The following CYP11A1 variants were observed in gnomAD, a reference collection of about 807,000 sequenced individuals.
CYP11A1 encodes the protein cytochrome P450 family 11 subfamily A member 1.
In CYP11A1, 25 loss-of-function variants were observed where a neutral mutation model predicts 51.9. That is an observed-to-expected ratio of 0.48 (90% CI 0.35 to 0.67). The LOEUF is 0.67. Among genes scored for constraint, CYP11A1 ranks in the 30% least tolerant of loss-of-function variants. CYP11A1 has a pLI of 0.00. For synonymous variants in CYP11A1, 245 were observed against 262.1 expected (o/e 0.93, Z 0.63); for missense variants, 578 against 680.9 (o/e 0.85, Z 1.68).
chr15:74,357,721 C>T (rs2060687075), intron 1 of CYP11A1, among the ~76,000 whole-genome samples: 3 of 152,192 alleles, frequency 2.0e-5, no homozygotes, highest in Non-Finnish European at 4.4e-5. Context: ...AGGACCGCGC[C>T]CGGCAGCCTT....
At chr15:74,340,801 G>A (rs1383785610) in intron 5 of CYP11A1, among the ~76,000 whole-genome samples, 1 of 151,982 alleles carries the variant, frequency 6.6e-6, no homozygotes, top group Non-Finnish European at 1.5e-5. Context: ...CTGAGCCACA[G>A]GGCCCCTCAA....
At chr15:74,365,930 G>T in intron 1 of CYP11A1, 1 of 984,290 alleles carries the variant, frequency 1.0e-6, no homozygotes, top group South Asian at 4.5e-5. Flanking sequence ...AAAGCGCACG[G>T]AGTCCGTGTT....
chr15:74,360,278 T>TTTTTTG (rs1048548038), intron 1 of CYP11A1, among the ~76,000 whole-genome samples: 3 of 152,088 alleles, frequency 2.0e-5, no homozygotes, highest in East Asian at 3.9e-4. Flanking sequence ...CTTACCAGTT[T>TTTTTTG]TTTTTGTTTT....
At chr15:74,359,010 C>T (rs901936835) in intron 1 of CYP11A1, among the ~76,000 whole-genome samples, 2 of 152,218 alleles carry the variant, frequency 1.3e-5, no homozygotes, top group African/African-American at 2.4e-5. Context: ...ACTGAATCCC[C>T]TTGGGCACTC....
intron 1 of CYP11A1, among the ~76,000 whole-genome samples, chr15:74,360,879 G>A (rs2060705291): frequency 1.3e-5 from 2 of 152,054 alleles, no homozygotes; most frequent in South Asian, 4.2e-4. Context: ...CTCCAGCCTG[G>A]GCAACAAGAG....
chr15:74,366,124 C>T (rs981618467), intron 1 of CYP11A1: 3 of 985,394 alleles, frequency 3.0e-6, no homozygotes, highest in Admixed American at 6.1e-5. Flanking sequence ...AGGAGCAGGC[C>T]GGGGGCCACG....
intron 2 of CYP11A1, among the ~76,000 whole-genome samples, chr15:74,346,226 A>G (rs142842175): frequency 7.2e-4 from 109 of 152,048 alleles, no homozygotes; most frequent in African/African-American, 2.6e-3. Context: ...GGTGGCGGGC[A>G]TCTATAATCC....
At chr15:74,347,053 G>A (rs1012687318) in intron 2 of CYP11A1, among the ~76,000 whole-genome samples, 4 of 151,966 alleles carry the variant, frequency 2.6e-5, no homozygotes, top group Admixed American at 2.6e-4. Flanking sequence ...CAATCTGTCC[G>A]CCTTGGCCTC....
intron 3 of CYP11A1, among the ~76,000 whole-genome samples, chr15:74,344,474 A>T (rs146935545): frequency 1.5e-3 from 233 of 152,364 alleles, no homozygotes; most frequent in African/African-American, 5.1e-3. Context: ...CTACCAGGTG[A>T]GTAATTTGAA....
rs1221153285 is a variant in CYP11A1, at chr15:74,345,177, G to T, written c.492C>A (p.Thr164=). 2.5e-6 allele frequency: 4 copies of T among 1,614,190 alleles called. No individual in the cohort carries two copies. Among genetic ancestry groups the T allele is most frequent in the Non-Finnish European group, 2.5e-6 (3 of 1,180,032 alleles). Residue 164 remains threonine, a synonymous_variant, in exon 3 of 9, where the codon ACC becomes ACA. Coordinates refer to ENST00000268053, the MANE Select transcript of CYP11A1 (RefSeq NM_000781.3). This position sits in a 1 kb window ranked among gnomAD's most constrained non-coding sequence, Gnocchi z 4.3. The stretch of plus-strand genomic sequence containing the variant: ...CATCCAACAGGGGCAAAAAGTTCTT[G>T]GTGGCCTCTGGAGCCATCACCTCCT... ...LNQEVMAPEA[T]KNFLPLLDAV...
chr15:74,367,426 G>A lies in CYP11A1; in HGVS notation c.160C>T (p.Pro54Ser). ...SPRPFNEIPS[P>S]GDNGWLNLYH... ...AGGTTTAGCCAGCCATTGTCACCAG[G>A]AGAGGGGATCTCATTGAAGGGGCGA... Residue 54 changes from proline (P) to serine (S), a missense_variant, in exon 1 of 9, where the codon CCT (proline) becomes TCT (serine). Physicochemically the swap from Pro to Ser is moderately conservative, Grantham distance 74. Transcript: ENST00000268053. The A allele has an allele frequency of 1.2e-6, 2 of 1,614,242 alleles. No homozygotes were observed. The highest frequency in any genetic ancestry group is 1.7e-6 in the Non-Finnish European group (2 of 1,180,048).
In CYP11A1 at chr15:74,345,158, A is replaced by T. The variant is rs777459993; in HGVS notation, c.511T>A (p.Leu171Met). 6.2e-7 allele frequency: 1 copy of T among 1,614,130 alleles called. No individual in the cohort carries two copies. The highest frequency in any genetic ancestry group is 1.3e-5 in the African/African-American group (1 of 75,040). Residue 171 changes from leucine (L) to methionine (M), a missense_variant, in exon 3 of 9, where the codon TTG (leucine) becomes ATG (methionine). Physicochemically the swap from Leu to Met is conservative, Grantham distance 15. Transcript: ENST00000268053. This position sits in a 1 kb window ranked among gnomAD's most constrained non-coding sequence, Gnocchi z 4.3. ...PEATKNFLPL[L>M]DAVSRDFVSV... Reference sequence around the variant, plus strand: ...ACGAAGTCCCGAGACACTGCATCCAACAGGGGCAAAAAGTTCTTGGTGGCC... The same window carrying T: ...ACGAAGTCCCGAGACACTGCATCCATCAGGGGCAAAAAGTTCTTGGTGGCC...
rs1351799327 is a variant in CYP11A1, at chr15:74,342,968, C to G, written c.990+9G>C. 1.9e-6 allele frequency: 3 copies of G among 1,612,068 alleles called. No homozygotes were observed. The highest frequency in any genetic ancestry group is 2.5e-6 in the Non-Finnish European group (3 of 1,180,032). ...GGGCAACAAGGTGCCGCCCCTACAG[C>G]CACCTCACCGTGTCCACCCCTCCTG... On this transcript the variant is annotated intron_variant, in intron 5 of 8. Coordinates refer to ENST00000268053, the MANE Select transcript of CYP11A1 (RefSeq NM_000781.3).
Position 74,337,927 on chromosome 15 carries a change from A to G in CYP11A1, c.*45T>C, listed in dbSNP as rs770912106. The G allele has an allele frequency of 3.1e-6, 5 of 1,611,812 alleles. No individual in the cohort carries two copies. Among genetic ancestry groups the G allele is most frequent in the Non-Finnish European group, 4.2e-6 (5 of 1,179,432 alleles). On this transcript the variant is annotated 3_prime_UTR_variant, in exon 9 of 9. Transcript: ENST00000268053. ...AAGATGCAGAGACCCCATGGGCCCCACCCCTGGGCCTTCCTCCCATGTGGC... is the reference window on the plus strand; with the variant it reads ...AAGATGCAGAGACCCCATGGGCCCCGCCCCTGGGCCTTCCTCCCATGTGGC...
intron 1 of CYP11A1, among the ~76,000 whole-genome samples, chr15:74,348,929 T>C (rs1255011066): frequency 6.6e-6 from 1 of 152,192 alleles, no homozygotes; most frequent in Non-Finnish European, 1.5e-5. Flanking sequence ...TTTTGCCATG[T>C]TGCCCAGGCT....
At chr15:74,347,277 C>A (rs1254390830) in intron 2 of CYP11A1, among the ~76,000 whole-genome samples, 1 of 152,128 alleles carries the variant, frequency 6.6e-6, no homozygotes, top group East Asian at 1.9e-4. Flanking sequence ...GGTGTGGTGA[C>A]ACGCACCTGT....
At chr15:74,366,051 G>T (rs995096592) in intron 1 of CYP11A1, 17 of 985,522 alleles carry the variant, frequency 1.7e-5, no homozygotes, top group Non-Finnish European at 1.9e-5. Flanking sequence ...GGGTCGACCC[G>T]GGGGGCGGAT....
chr15:74,361,543 C>T (rs769251770), intron 1 of CYP11A1: 3 of 712,384 alleles, frequency 4.2e-6, no homozygotes, highest in Non-Finnish European at 7.6e-6. Flanking sequence ...GAGCCCTGTA[C>T]TATCAGCCAT....
Position 74,339,219 on chromosome 15 carries a change from C to A in CYP11A1, c.1236+18G>T. ...CCTCTCTGACTGGCAGAGCCTGCAG[C>A]CTGCTGGCTGCACCTACCTTGGCAG... On this transcript the variant is annotated intron_variant, in intron 7 of 8. Coordinates refer to ENST00000268053, the MANE Select transcript of CYP11A1 (RefSeq NM_000781.3). 6.2e-7 allele frequency: 1 copy of A among 1,607,208 alleles called. No individual in the cohort carries two copies. The highest frequency in any genetic ancestry group is 8.5e-7 in the Non-Finnish European group (1 of 1,173,720).
Sources: gnomAD v4.1 joint callset for allele counts (sites outside exome capture counted in the v4.1 genomes callset) on GRCh38, gnomAD v4.1.1 for gene constraint, Gnocchi (gnomAD v3.1) non-coding constraint, MANE v1.5 for transcripts, NCBI Gene and HGNC (gene_info 2026-07-23, HGNC 2026-07-21) for gene names.